KCNMA1: variants seen among roughly 807,000 people sequenced by gnomAD.
The protein encoded by KCNMA1 is Calcium-activated potassium channel subunit alpha-1.
In KCNMA1, 29 loss-of-function variants were observed where a neutral mutation model predicts 140.0. The ratio of observed to expected loss-of-function variants is 0.21; its 90% CI spans 0.15 to 0.28. The LOEUF is 0.28. Ranked by LOEUF, KCNMA1 falls within the 10% of genes least tolerant of loss-of-function variation. The pLI is 1.00. For synonymous variants in KCNMA1, 612 were observed against 611.9 expected (o/e 1.00, Z 0.00); for missense variants, 880 against 1,602.2 (o/e 0.55, Z 7.70).
At chr10:77,601,296 C>T (rs2082553228) in intron 1 of KCNMA1, among the ~76,000 whole-genome samples, 1 of 152,142 alleles carries the variant, frequency 6.6e-6, no homozygotes, top group African/African-American at 2.4e-5. Context: ...TTACTATCTC[C>T]ACCCCAAAGC....
At chr10:77,613,322 G>A (rs538489054) in intron 1 of KCNMA1, among the ~76,000 whole-genome samples, 49 of 152,154 alleles carry the variant, frequency 3.2e-4, no homozygotes, top group Non-Finnish European at 5.3e-4. Context: ...AACTGTGGCC[G>A]ACCAGGACTG....
chr10:77,360,785 G>T (rs2093879507), intron 2 of KCNMA1, among the ~76,000 whole-genome samples: 1 of 152,200 alleles, frequency 6.6e-6, no homozygotes, highest in Non-Finnish European at 1.5e-5. Context: ...CAGCCCAGAA[G>T]AGGTGCTCTG....
chr10:76,922,704 A>T (rs1033403588), intron 23 of KCNMA1, among the ~76,000 whole-genome samples: 2 of 152,196 alleles, frequency 1.3e-5, no homozygotes, highest in Non-Finnish European at 2.9e-5. Flanking sequence ...AATGAGATAG[A>T]GCTCTGTCAT....
intron 23 of KCNMA1, among the ~76,000 whole-genome samples, chr10:76,916,593 C>T (rs1330204775): frequency 2.0e-5 from 3 of 152,154 alleles, no homozygotes; most frequent in Non-Finnish European, 1.5e-5. Flanking sequence ...TTTCCTTCAG[C>T]GGAATGCTAC....
At chr10:77,504,236 C>T (rs1228464438) in intron 1 of KCNMA1, among the ~76,000 whole-genome samples, 1 of 152,186 alleles carries the variant, frequency 6.6e-6, no homozygotes, top group East Asian at 1.9e-4. Flanking sequence ...GGCTTTATCT[C>T]TTCTGGAAAG....
chr10:77,225,551 C>G (rs1393301187), intron 3 of KCNMA1, among the ~76,000 whole-genome samples: 1 of 152,238 alleles, frequency 6.6e-6, no homozygotes, highest in Non-Finnish European at 1.5e-5. Flanking sequence ...GAGCCTCCTC[C>G]TCCCCACACA....
intron 2 of KCNMA1, among the ~76,000 whole-genome samples, chr10:77,262,066 T>C (rs1466093909): frequency 6.6e-6 from 1 of 152,142 alleles, no homozygotes; most frequent in Non-Finnish European, 1.5e-5. Context: ...AGTTGTTAAA[T>C]TACATTAAAG....
intron 3 of KCNMA1, among the ~76,000 whole-genome samples, chr10:77,208,875 A>G (rs1220723045): frequency 6.6e-6 from 1 of 152,210 alleles, no homozygotes; most frequent in Non-Finnish European, 1.5e-5. Context: ...GTTCTTATGA[A>G]GTAATCCTCA....
rs188092348 is a variant in KCNMA1 at position 77,056,559 on chromosome 10, G to A, written c.1749+16538C>T. The stretch of plus-strand genomic sequence containing the variant: ...AATTACTTGCCATAAGAGTAACCAG[G>A]AAAATCTCAACTTGCATGGAAAAAG... On this transcript the variant is annotated intron_variant, in intron 14 of 27. Transcript: ENST00000286628. Among the ~76,000 whole-genome samples the A allele has an allele frequency of 9.9e-4, 150 of 151,894 alleles. No individual in the cohort carries two copies. The Middle Eastern group carries it at 0.01, about 10-fold the overall frequency.
chr10:77,221,232 A>G (rs1182440847), intron 3 of KCNMA1, among the ~76,000 whole-genome samples: 1 of 152,138 alleles, frequency 6.6e-6, no homozygotes, highest in Admixed American at 6.6e-5. Flanking sequence ...ATTCCTGAAG[A>G]GCCAAAAGGA....
At chr10:77,176,609 C>T (rs1175483263) in intron 5 of KCNMA1, among the ~76,000 whole-genome samples, 1 of 152,146 alleles carries the variant, frequency 6.6e-6, no homozygotes, top group Non-Finnish European at 1.5e-5. Flanking sequence ...GAGCAAAGGA[C>T]TCCAAAAGGC....
intron 26 of KCNMA1, among the ~76,000 whole-genome samples, chr10:76,891,167 A>G (rs992442673): frequency 6.6e-5 from 10 of 152,230 alleles, no homozygotes; most frequent in South Asian, 2.1e-4. Flanking sequence ...CACCTTGTGC[A>G]GAGGATACGT....
intron 1 of KCNMA1, among the ~76,000 whole-genome samples, chr10:77,404,268 C>A (rs957931743): frequency 6.6e-6 from 1 of 151,882 alleles, no homozygotes; most frequent in Non-Finnish European, 1.5e-5. Flanking sequence ...TGGTATTATT[C>A]TATTCTATTT....
At chr10:77,362,284 G>T (rs1489147604) in intron 2 of KCNMA1, among the ~76,000 whole-genome samples, 1 of 151,442 alleles carries the variant, frequency 6.6e-6, no homozygotes, top group African/African-American at 2.4e-5. Context: ...CAATGACTTA[G>T]CCCCAGGACA....
intron 1 of KCNMA1, among the ~76,000 whole-genome samples, chr10:77,504,432 C>T (rs908114859): frequency 4.6e-5 from 7 of 152,146 alleles, no homozygotes; most frequent in Non-Finnish European, 8.8e-5. Context: ...AGAGGGGTGC[C>T]AGACTAGCCC....
chr10:77,604,743 A>C (rs1412072743), intron 1 of KCNMA1, among the ~76,000 whole-genome samples: 6 of 152,052 alleles, frequency 3.9e-5, no homozygotes, highest in Admixed American at 2.6e-4. Context: ...TTTTAGAAAA[A>C]CTTATGTCAT....
intron 1 of KCNMA1, among the ~76,000 whole-genome samples, chr10:77,596,754 G>T (rs545497672): frequency 2.6e-5 from 4 of 152,298 alleles, no homozygotes; most frequent in African/African-American, 7.2e-5. Flanking sequence ...CAACAGCTGT[G>T]TTTTCATCTT....
chr10:77,076,863 G>A (rs1456091000), intron 13 of KCNMA1, among the ~76,000 whole-genome samples: 2 of 152,148 alleles, frequency 1.3e-5, no homozygotes, highest in Non-Finnish European at 2.9e-5. Flanking sequence ...GGATCATAGG[G>A]GATTGAAATG....
rs184227193 is a variant in KCNMA1, at chr10:77,601,402, A to C, written c.378+35863T>G. On this transcript the variant is annotated intron_variant, in intron 1 of 27. Transcript: ENST00000286628. ...CAAACCCAAATGTGTGCCATTGACT[A>C]ATGTGTGATGTCCACTCTCTAAATG... Among the ~76,000 whole-genome samples, 14 of 152,318 alleles carry C rather than the reference A, an allele frequency of 9.2e-5. No individual in the cohort carries two copies. In the East Asian group the frequency reaches 2.7e-3, roughly 29 times the overall value.
Sources: gnomAD v4.1 joint callset for allele counts (sites outside exome capture counted in the v4.1 genomes callset) on GRCh38, gnomAD v4.1.1 for gene constraint, MANE v1.5 for transcripts, NCBI Gene and HGNC (gene_info 2026-07-23, HGNC 2026-07-21) for gene names.